Variants in DOCK2 observed in about 807,000 individuals in gnomAD.
DOCK2 encodes the protein dedicator of cytokinesis 2.
Under a neutral mutation model 248.9 loss-of-function variants are expected in DOCK2, and 87 were observed. The observed-to-expected ratio is 0.35, with a 90% confidence interval of 0.29 to 0.42. DOCK2 has a LOEUF of 0.42. DOCK2 is among the 10% of genes least tolerant of loss of function. The pLI is 1.00. For missense variants in DOCK2, 1,747 were observed against 2,300.2 expected, an observed-to-expected ratio of 0.76 and a Z score of 4.92; for synonymous variants, 805 against 821.6, an observed-to-expected ratio of 0.98 and a Z score of 0.35.
At chr5:169,843,479 G>A (rs532092802) in intron 27 of DOCK2, among the ~76,000 whole-genome samples, 8 of 152,248 alleles carry the variant, frequency 5.3e-5, no homozygotes, top group Admixed American at 1.3e-4. Context: ...CCAAGATCGC[G>A]CCACTGCACT....
chr5:169,775,137 T>G (rs577851474), intron 25 of DOCK2, among the ~76,000 whole-genome samples: 114 of 152,312 alleles, frequency 7.5e-4, no homozygotes, highest in African/African-American at 2.7e-3. Flanking sequence ...CTCGAACTTC[T>G]GACCTCAGGT....
At chr5:169,842,521 C>A (rs1163283335) in intron 27 of DOCK2, among the ~76,000 whole-genome samples, 1 of 152,106 alleles carries the variant, frequency 6.6e-6, no homozygotes, top group Non-Finnish European at 1.5e-5. Context: ...CCATGCCCAG[C>A]TAATTTTTGT....
chr5:170,029,642 C>A (rs576812862), intron 34 of DOCK2, among the ~76,000 whole-genome samples: 1 of 152,184 alleles, frequency 6.6e-6, no homozygotes, highest in Non-Finnish European at 1.5e-5. Flanking sequence ...TTGGTAATTG[C>A]CCCCTTCTCC....
chr5:170,033,902 G>A (rs1435953706), intron 34 of DOCK2, among the ~76,000 whole-genome samples: 1 of 152,158 alleles, frequency 6.6e-6, no homozygotes, highest in Non-Finnish European at 1.5e-5. Context: ...TCCATTTGGT[G>A]AATATACTGT....
At chr5:169,939,721 G>A (rs1776155909) in intron 27 of DOCK2, among the ~76,000 whole-genome samples, 1 of 152,076 alleles carries the variant, frequency 6.6e-6, no homozygotes, top group Non-Finnish European at 1.5e-5. Context: ...GTATATATAT[G>A]TTTTCATATA....
chr5:169,833,651 G>A (rs980457989), intron 26 of DOCK2, among the ~76,000 whole-genome samples: 1 of 152,134 alleles, frequency 6.6e-6, no homozygotes, highest in Non-Finnish European at 1.5e-5. Context: ...AAAAACAGAA[G>A]ACATCTGGCC....
intron 37 of DOCK2, 117 bp from the exon 38 acceptor site, chr5:170,041,896 G>A: frequency 5.6e-6 from 7 of 1,261,032 alleles, no homozygotes; most frequent in Middle Eastern, 2.8e-4. Flanking sequence ...GAAAGGAGGA[G>A]AGATGGAAAG....
rs749819417 is a variant in DOCK2, at chr5:169,983,056, C to T, written c.2800-12C>T. 9 of 1,613,622 alleles carry T rather than the reference C, an allele frequency of 5.6e-6. No individual in the cohort carries two copies. In the Admixed American group the frequency reaches 1.5e-4, roughly 27 times the overall value. On this transcript the variant is annotated splice_polypyrimidine_tract_variant and intron_variant, in intron 27 of 51. Coordinates refer to ENST00000520908, the MANE Select transcript of DOCK2 (RefSeq NM_004946.3). ...CTCAACTATTTATAGTATTTGTCTT[C>T]ATTTCTTGCAGAGTCACTTTGTGGC...
At chr5:169,761,369 ATTT>A in intron 24 of DOCK2, 147 bp from the exon 25 acceptor site, 1 of 654,588 alleles carries the variant, frequency 1.5e-6, no homozygotes, top group South Asian at 1.9e-5. Context: ...CAACTTGTAC[ATTT>A]TTACTGAAGG....
At position 170,081,995 on chromosome 5, in the gene DOCK2, T is replaced by G; in HGVS notation, c.5430+11T>G. 6.2e-7 allele frequency: 1 copy of G among 1,612,682 alleles called. No homozygotes were observed. On this transcript the variant is annotated intron_variant, in intron 51 of 51. Transcript: ENST00000520908. ...TTCTTCAAGACAATGGTGAGGACAT[T>G]GAGGGTGGAAGGAAAGGAAGGCATT...
At chr5:170,069,270 C>CG (rs566839937) in intron 46 of DOCK2, 50 bp downstream of exon 46, 1,149 of 1,589,372 alleles carry the variant, frequency 7.2e-4, no homozygotes, top group Non-Finnish European at 9.3e-4. Flanking sequence ...CCTCTCCCCC[C>CG]ACCGTGGTTC....
At chr5:169,773,116 T>C (rs1445212794) in intron 25 of DOCK2, 3 of 152,054 alleles carry the variant, frequency 2.0e-5, no homozygotes, top group Non-Finnish European at 4.4e-5. Flanking sequence ...TGAGAAGGGG[T>C]TCTCCCTCAA....
chr5:169,859,768 T>C (rs1207629250), intron 27 of DOCK2, among the ~76,000 whole-genome samples: 1 of 152,180 alleles, frequency 6.6e-6, no homozygotes, highest in East Asian at 1.9e-4. Context: ...CCTTCCTTAA[T>C]TGACTTGTGC....
chr5:169,983,256 C>CTA lies in DOCK2; in HGVS notation c.2898+90_2898+91insTA. ...CTGTCAGAGAGACCTGCCTGTCTAT[C>CTA]ACATAATCTAGATATGACTTAACCA... On this transcript the variant is annotated intron_variant, in intron 28 of 51. Coordinates refer to ENST00000520908, the MANE Select transcript of DOCK2 (RefSeq NM_004946.3). 3 of 1,344,530 alleles carry CTA rather than the reference C, an allele frequency of 2.2e-6. No individual in the cohort carries two copies. The East Asian group carries it at 6.9e-5, about 31-fold the overall frequency. The allele number at this position is 1,344,530 out of a possible 1,614,324, so 83.3% of individuals were successfully genotyped here. A position where few individuals can be genotyped will look rare whatever the true frequency, so the allele number is the denominator to read the frequency against.
At chr5:170,072,246 C>T (rs1757701284) in intron 46 of DOCK2, among the ~76,000 whole-genome samples, 1 of 152,080 alleles carries the variant, frequency 6.6e-6, no homozygotes, top group Non-Finnish European at 1.5e-5. Context: ...GTTCTTGAAC[C>T]TCTTATAAAT....
At chr5:169,909,130 C>T (rs147075613) in intron 27 of DOCK2, among the ~76,000 whole-genome samples, 7 of 152,284 alleles carry the variant, frequency 4.6e-5, no homozygotes, top group Non-Finnish European at 5.9e-5. Flanking sequence ...TTTGCTGTGC[C>T]TCCATTTCTA....
chr5:169,939,169 G>T (rs1195055020), intron 27 of DOCK2, among the ~76,000 whole-genome samples: 3 of 150,668 alleles, frequency 2.0e-5, no homozygotes, highest in African/African-American at 7.3e-5. Context: ...CTCCCAAAGT[G>T]CTGGGATTAC....
rs868680334 is a variant in DOCK2 at position 169,670,673 on chromosome 5, G to C, written c.224+76G>C. 3 of 1,552,448 alleles carry C rather than the reference G, an allele frequency of 1.9e-6. No individual in the cohort carries two copies. The Middle Eastern group carries it at 5.1e-4, about 265-fold the overall frequency. Reference sequence around the variant, plus strand: ...TCTGTCCTGTTTATTTTGAAAATCTGACTTGGAAGAGCTGAGGGTTGCTCA... The same window carrying C: ...TCTGTCCTGTTTATTTTGAAAATCTCACTTGGAAGAGCTGAGGGTTGCTCA... On this transcript the variant is annotated intron_variant, in intron 4 of 51. Transcript: ENST00000520908.
At chr5:169,672,038 G>A (rs964548132) in intron 5 of DOCK2, among the ~76,000 whole-genome samples, 5 of 151,236 alleles carry the variant, frequency 3.3e-5, no homozygotes, top group South Asian at 2.1e-4. Context: ...ATGGAGTCTC[G>A]CTCTGTTGCC....
Sources: gnomAD v4.1 joint callset for allele counts (sites outside exome capture counted in the v4.1 genomes callset) on GRCh38, gnomAD v4.1.1 for gene constraint, MANE v1.5 for transcripts, NCBI Gene and HGNC (gene_info 2026-07-23, HGNC 2026-07-21) for gene names.